HM13: variants seen among roughly 807,000 people sequenced by gnomAD.
HM13 encodes signal peptide peptidase.
HM13 carries 18 observed loss-of-function variants against 50.0 expected under a neutral mutation model. That is an observed-to-expected ratio of 0.36 (90% CI 0.25 to 0.53). The LOEUF (loss-of-function observed/expected upper bound fraction) is 0.53, where lower values mean the gene tolerates loss of function less well. HM13 is among the 20% of genes least tolerant of loss of function. HM13 has a pLI of 0.90. For missense variants in HM13, 393 were observed against 552.4 expected, an observed-to-expected ratio of 0.71 and a Z score of 2.89; for synonymous variants, 197 against 232.6, an observed-to-expected ratio of 0.85 and a Z score of 1.39.
At chr20:31,536,090 C>T (rs975983103) in intron 2 of HM13, among the ~76,000 whole-genome samples, 4 of 152,112 alleles carry the variant, frequency 2.6e-5, no homozygotes, top group Admixed American at 1.3e-4. Flanking sequence ...AGGCTGGGTG[C>T]GGTGGGTCAC....
chr20:31,533,152 C>T (rs1347574589), intron 2 of HM13, among the ~76,000 whole-genome samples: 1 of 152,230 alleles, frequency 6.6e-6, no homozygotes, highest in Non-Finnish European at 1.5e-5. Flanking sequence ...TCCCTCAGCC[C>T]TTTTCCTCCC....
intron 1 of HM13, among the ~76,000 whole-genome samples, chr20:31,515,624 T>C (rs1434710077): frequency 2.0e-5 from 3 of 152,140 alleles, no homozygotes; most frequent in Non-Finnish European, 4.4e-5. Flanking sequence ...TGGCCCCTCT[T>C]GTGAGACTGG....
Position 31,561,617 on chromosome 20 carries a change from T to G in HM13, c.846-17T>G. The G allele has an allele frequency of 6.4e-7, 1 of 1,565,106 alleles. No individual in the cohort carries two copies. Among genetic ancestry groups the G allele is most frequent in the Non-Finnish European group, 8.8e-7 (1 of 1,135,354 alleles). On this transcript the variant is annotated splice_polypyrimidine_tract_variant and intron_variant, in intron 9 of 12. Coordinates refer to ENST00000398174, the MANE Select transcript of HM13 (RefSeq NM_178581.3). ...TATATCTAACCCTCCTCCTCTTTCT[T>G]CACACCTTCCCTGCAGCTTGAAGAA...
intron 9 of HM13, among the ~76,000 whole-genome samples, chr20:31,561,170 G>A (rs1319108265): frequency 6.6e-6 from 1 of 152,170 alleles, no homozygotes; most frequent in Non-Finnish European, 1.5e-5. Flanking sequence ...TTCTGTATCT[G>A]TGTTTCTCAA....
chr20:31,561,759 G>A, intron 10 of HM13, 23 bp downstream of exon 10: 1 of 1,493,414 alleles, frequency 6.7e-7, no homozygotes, highest in Non-Finnish European at 9.3e-7. Context: ...GTATCAGAGT[G>A]TCAGGAATGC....
intron 4 of HM13, among the ~76,000 whole-genome samples, chr20:31,546,614 C>T (rs974985856): frequency 1.1e-4 from 17 of 151,950 alleles, no homozygotes; most frequent in African/African-American, 3.9e-4. Flanking sequence ...ATTAGCCAGG[C>T]ATGGTGGCGT....
At chr20:31,529,571 C>T (rs2122565156) in intron 2 of HM13, among the ~76,000 whole-genome samples, 1 of 152,214 alleles carries the variant, frequency 6.6e-6, no homozygotes, top group South Asian at 2.1e-4. Flanking sequence ...AATAGTACGT[C>T]AGCTTTTTTC....
At chr20:31,539,001 AT>A (rs1983281902) in intron 3 of HM13, 1 of 876,268 alleles carries the variant, frequency 1.1e-6, no homozygotes, top group Non-Finnish European at 1.4e-6. Flanking sequence ...ATTTGCTAGG[AT>A]CACACCACTA....
chr20:31,527,648 T>A, intron 2 of HM13, 66 bp downstream of exon 2: 2 of 1,173,542 alleles, frequency 1.7e-6, no homozygotes, highest in Non-Finnish European at 2.5e-6. Flanking sequence ...GTTTTATTTT[T>A]CCCATCACAA....
chr20:31,548,716 A>C (rs1568792671), intron 4 of HM13: 4 of 409,048 alleles, frequency 9.8e-6, no homozygotes, highest in Non-Finnish European at 1.8e-5. Flanking sequence ...TGCCTTCCCC[A>C]AGGTCACCCA....
chr20:31,520,301 T>TTTTG lies in HM13; in HGVS notation c.183+5582_183+5585dup, dbSNP rs955483870. The stretch of plus-strand genomic sequence containing the variant: ...AGAGGTTTTGTTTTTTTGTTGTTGT[T>TTTTG]TTTGTTTGTTTGTTTGTTCATTTGT... On this transcript the variant is annotated intron_variant, in intron 1 of 12. Transcript: ENST00000398174. Among the ~76,000 whole-genome samples, 7 of 152,012 alleles carry TTTTG rather than the reference T, an allele frequency of 4.6e-5. No individual in the cohort carries two copies. The South Asian group carries it at 6.2e-4, about 14-fold the overall frequency.
chr20:31,527,069 G>A (rs1982530836), intron 1 of HM13, among the ~76,000 whole-genome samples: 1 of 152,132 alleles, frequency 6.6e-6, no homozygotes, highest in African/African-American at 2.4e-5. Flanking sequence ...AGCCAGGCAT[G>A]GTGGTTCATA....
intron 7 of HM13, among the ~76,000 whole-genome samples, chr20:31,552,869 C>G (rs1455402985): frequency 2.6e-5 from 4 of 152,228 alleles, no homozygotes; most frequent in Non-Finnish European, 5.9e-5. Flanking sequence ...TTCAGAATCC[C>G]TGTGCACGCA....
intron 3 of HM13, among the ~76,000 whole-genome samples, chr20:31,542,377 AGAG>A (rs1983495634): frequency 1.3e-5 from 2 of 152,198 alleles, no homozygotes; most frequent in Non-Finnish European, 2.9e-5. Context: ...CTGCCACCCC[AGAG>A]GAGGAAGCCA....
chr20:31,534,539 T>G (rs895622609), intron 2 of HM13, among the ~76,000 whole-genome samples: 5 of 152,140 alleles, frequency 3.3e-5, no homozygotes, highest in Non-Finnish European at 5.9e-5. Context: ...ATCCCAGCAC[T>G]TTGGGAGGCC....
intron 8 of HM13, among the ~76,000 whole-genome samples, chr20:31,556,372 T>C (rs954574698): frequency 6.6e-6 from 1 of 152,150 alleles, no homozygotes; most frequent in Admixed American, 6.6e-5. Flanking sequence ...GAAGAGGAAT[T>C]ATTTTAAAGC....
At chr20:31,566,872 G>A (rs1984949427) in intron 11 of HM13, among the ~76,000 whole-genome samples, 2 of 151,884 alleles carry the variant, frequency 1.3e-5, no homozygotes, top group East Asian at 1.9e-4. Context: ...CACCCATACC[G>A]CAAGGCCTGC....
chr20:31,523,864 C>T (rs774434300), intron 1 of HM13, among the ~76,000 whole-genome samples: 24 of 152,272 alleles, frequency 1.6e-4, no homozygotes, highest in Middle Eastern at 3.4e-3. Context: ...CACCTCCTAG[C>T]AAAGCTGTCC....
intron 8 of HM13, among the ~76,000 whole-genome samples, chr20:31,557,611 C>T (rs886149799): frequency 6.6e-6 from 1 of 152,178 alleles, no homozygotes; most frequent in Non-Finnish European, 1.5e-5. Context: ...CTATCCCCAA[C>T]CAACTCCCTA....
Sources: gnomAD v4.1 joint callset for allele counts (sites outside exome capture counted in the v4.1 genomes callset) on GRCh38, gnomAD v4.1.1 for gene constraint, MANE v1.5 for transcripts, NCBI Gene and HGNC (gene_info 2026-07-23, HGNC 2026-07-21) for gene names.